Variants in INTS4 observed in about 807,000 individuals in gnomAD.
The protein encoded by INTS4 is MSTP093.
In INTS4, 70 loss-of-function variants were observed where a neutral mutation model predicts 119.5. The ratio of observed to expected loss-of-function variants is 0.59; its 90% CI spans 0.48 to 0.71. The LOEUF (loss-of-function observed/expected upper bound fraction) is 0.71. Among genes scored for constraint, INTS4 ranks in the 30% least tolerant of loss-of-function variants. The pLI, the probability that INTS4 is intolerant of heterozygous loss-of-function variation, is 0.00. For missense variants in INTS4, 867 were observed against 1,173.2 expected, an observed-to-expected ratio of 0.74 and a Z score of 3.81; for synonymous variants, 316 against 419.6, an observed-to-expected ratio of 0.75 and a Z score of 3.02.
intron 4 of INTS4, among the ~76,000 whole-genome samples, chr11:77,975,442 G>GT (rs1855907262): frequency 6.6e-6 from 1 of 150,672 alleles, no homozygotes; most frequent in South Asian, 2.1e-4. Flanking sequence ...AACATACTTT[G>GT]TATCTTTTCC....
chr11:77,988,322 T>C (rs1229014257), intron 2 of INTS4, among the ~76,000 whole-genome samples: 1 of 152,238 alleles, frequency 6.6e-6, no homozygotes, highest in Non-Finnish European at 1.5e-5. Context: ...CTGATATATA[T>C]TTGTTGAGTA....
chr11:77,948,279 A>G (rs1273247950), intron 8 of INTS4, among the ~76,000 whole-genome samples: 1 of 152,272 alleles, frequency 6.6e-6, no homozygotes, highest in Non-Finnish European at 1.5e-5. Flanking sequence ...AAGGAAGACA[A>G]GAACAAAGGA....
intron 10 of INTS4, among the ~76,000 whole-genome samples, chr11:77,937,034 G>A (rs1321313925): frequency 6.6e-6 from 1 of 151,998 alleles, no homozygotes; most frequent in Non-Finnish European, 1.5e-5. Flanking sequence ...AATTAGCCGA[G>A]AGTGGTCGCG....
rs1952771157 is a variant in INTS4 at position 77,901,339 on chromosome 11, T to C, written c.2228+82A>G. 19 of 1,398,358 alleles carry C rather than the reference T, an allele frequency of 1.4e-5. 1 individual carries two copies. The highest frequency in any genetic ancestry group is 1.9e-5 in the Non-Finnish European group (19 of 989,914). 86.6% of individuals were successfully genotyped at this position (1,398,358 alleles called of 1,614,324 possible). A position where few individuals can be genotyped will look rare whatever the true frequency, so the allele number is the denominator to read the frequency against. On this transcript the variant is annotated intron_variant, in intron 18 of 22. Coordinates refer to ENST00000534064, the MANE Select transcript of INTS4 (RefSeq NM_033547.4). ...TCCTAAATTTCATTTCACTTATCAT[T>C]AACTTTCGTGTGATGTCTGAATGCA... is the stretch of plus-strand genomic sequence containing the variant.
chr11:77,933,971 G>A (rs1433627250), intron 10 of INTS4, among the ~76,000 whole-genome samples: 1 of 152,158 alleles, frequency 6.6e-6, no homozygotes, highest in Non-Finnish European at 1.5e-5. Context: ...TGTGGGGAGG[G>A]GATGGAGGGG....
At chr11:77,919,914 T>A (rs1468553861) in intron 14 of INTS4, among the ~76,000 whole-genome samples, 2 of 152,060 alleles carry the variant, frequency 1.3e-5, no homozygotes, top group Non-Finnish European at 2.9e-5. Context: ...GTTCAAGCAA[T>A]TCTCCTGCCA....
At chr11:77,988,175 TAG>T (rs1391378718) in intron 2 of INTS4, among the ~76,000 whole-genome samples, 4 of 152,354 alleles carry the variant, frequency 2.6e-5, no homozygotes, top group Non-Finnish European at 4.4e-5. Context: ...GGCACTGGGA[TAG>T]AGACTAATGG....
chr11:77,908,558 A>G (rs939997528), intron 15 of INTS4, among the ~76,000 whole-genome samples: 3 of 152,020 alleles, frequency 2.0e-5, no homozygotes, highest in African/African-American at 7.2e-5. Flanking sequence ...CAAGCTCCTG[A>G]CCTCGTGATC....
intron 4 of INTS4, among the ~76,000 whole-genome samples, chr11:77,962,836 C>T (rs530176964): frequency 3.1e-4 from 46 of 149,138 alleles, no homozygotes; most frequent in Non-Finnish European, 5.8e-4. Flanking sequence ...GACAACACAG[C>T]GAGGCCCCAT....
At chr11:77,933,002 A>G (rs1766527087) in intron 10 of INTS4, among the ~76,000 whole-genome samples, 1 of 151,732 alleles carries the variant, frequency 6.6e-6, no homozygotes, top group South Asian at 2.1e-4. Flanking sequence ...AGAAATACCT[A>G]ACGTAGATGA....
intron 8 of INTS4, among the ~76,000 whole-genome samples, chr11:77,943,423 G>A (rs1953975768): frequency 6.6e-6 from 1 of 152,144 alleles, no homozygotes; most frequent in Non-Finnish European, 1.5e-5. Context: ...ATGTCAAGAA[G>A]GAAGAACTGA....
At chr11:77,917,207 A>G (rs1309828136) in intron 15 of INTS4, among the ~76,000 whole-genome samples, 1 of 152,170 alleles carries the variant, frequency 6.6e-6, no homozygotes, top group Non-Finnish European at 1.5e-5. Context: ...GAATGAAATC[A>G]TCCACTAAAA....
At chr11:77,956,703 T>C (rs1185672186) in intron 7 of INTS4, among the ~76,000 whole-genome samples, 6 of 124,344 alleles carry the variant, frequency 4.8e-5, no homozygotes, top group African/African-American at 1.8e-4. Flanking sequence ...CGAGACTCCA[T>C]CTCAAAAAAT....
chr11:77,947,605 T>C (rs1310203622), intron 8 of INTS4, among the ~76,000 whole-genome samples: 1 of 152,030 alleles, frequency 6.6e-6, no homozygotes, highest in Non-Finnish European at 1.5e-5. Context: ...ATCAAACAGA[T>C]CAAACCCCAG....
At position 77,961,158 on chromosome 11, in the gene INTS4, A is replaced by AAAAAAAAAAAAAAAC; in HGVS notation, c.472-21_472-20insGTTTTTTTTTTTTTT. 6.5e-7 allele frequency: 1 copy of AAAAAAAAAAAAAAAC among 1,534,526 alleles called. No homozygotes were observed. Among genetic ancestry groups the AAAAAAAAAAAAAAAC allele is most frequent in the Non-Finnish European group, 8.7e-7 (1 of 1,148,754 alleles). On this transcript the variant is annotated intron_variant, in intron 4 of 22. Coordinates refer to ENST00000534064, the MANE Select transcript of INTS4 (RefSeq NM_033547.4). Reference sequence around the variant, plus strand: ...CAGATGCTATTAAAAAAAAAAAAAAAAAGAAAAAAAGAAAAAGAAAAAAAG... The same window carrying AAAAAAAAAAAAAAAC: ...CAGATGCTATTAAAAAAAAAAAAAAAAAAAAAAAAAAAAACAAGAAAAAAAGAAAAAGAAAAAAAG...
At chr11:77,964,441 G>A (rs1184769360) in intron 4 of INTS4, among the ~76,000 whole-genome samples, 4 of 151,872 alleles carry the variant, frequency 2.6e-5, no homozygotes, top group Non-Finnish European at 5.9e-5. Flanking sequence ...GGGCATGGTC[G>A]CGGGCACCTG....
chr11:77,921,394 G>A lies in INTS4; in HGVS notation c.1710C>T (p.Phe570=), dbSNP rs1176910221. ...TMPALFSDHT[F]RHYAYLRDSL... ...TGTCTCGGAGGTAGGCATAGTGCCT[G>A]AAGGTGTGATCTGAGAACAATGCTG... The change falls in exon 14 of 23, where the codon TTC becomes TTT. Residue 570 remains phenylalanine (F), a synonymous_variant. Coordinates refer to ENST00000534064, the MANE Select transcript of INTS4 (RefSeq NM_033547.4). The A allele has an allele frequency of 6.2e-7, 1 of 1,613,182 alleles. No homozygotes were observed. The highest frequency in any genetic ancestry group is 1.3e-5 in the African/African-American group (1 of 74,914).
chr11:77,874,527 A>T (rs1475008713), downstream of INTS4, among the ~76,000 whole-genome samples: 1 of 152,200 alleles, frequency 6.6e-6, no homozygotes, highest in Non-Finnish European at 1.5e-5. Flanking sequence ...CAGTGACATT[A>T]TTAAACTTTT....
chr11:77,937,094 GA>G (rs1337407033), intron 10 of INTS4, among the ~76,000 whole-genome samples: 6 of 151,746 alleles, frequency 4.0e-5, no homozygotes, highest in Admixed American at 2.0e-4. Context: ...AGAATTGTCT[GA>G]ACTCAGGATG....
Sources: gnomAD v4.1 joint callset for allele counts (sites outside exome capture counted in the v4.1 genomes callset) on GRCh38, gnomAD v4.1.1 for gene constraint, MANE v1.5 for transcripts, NCBI Gene and HGNC (gene_info 2026-07-23, HGNC 2026-07-21) for gene names.